Variants in CTNND2 observed in about 807,000 individuals in gnomAD.
CTNND2 encodes catenin delta 2, also known as catenin delta-2.
In CTNND2, 22 loss-of-function variants were observed where a neutral mutation model predicts 144.4. The ratio of observed to expected loss-of-function variants is 0.15; its 90% CI spans 0.11 to 0.22. The LOEUF (loss-of-function observed/expected upper bound fraction) is 0.22. CTNND2 is among the 10% of genes least tolerant of loss of function. CTNND2 has a pLI of 1.00. For missense variants in CTNND2, 1,353 were observed against 1,618.8 expected, an observed-to-expected ratio of 0.84 and a Z score of 2.82; for synonymous variants, 751 against 695.6, an observed-to-expected ratio of 1.08 and a Z score of -1.25.
At chr5:11,689,760 C>A (rs1403428165) in intron 2 of CTNND2, among the ~76,000 whole-genome samples, 1 of 152,076 alleles carries the variant, frequency 6.6e-6, no homozygotes, top group Non-Finnish European at 1.5e-5. Flanking sequence ...AAAAAGGGAT[C>A]AATTACATTG....
chr5:11,339,489 T>C (rs1386583981), intron 9 of CTNND2, among the ~76,000 whole-genome samples: 1 of 152,214 alleles, frequency 6.6e-6, no homozygotes, highest in Non-Finnish European at 1.5e-5. Context: ...TGCTGACACC[T>C]TGATTTCAGA....
intron 2 of CTNND2, among the ~76,000 whole-genome samples, chr5:11,631,513 T>C (rs1330415380): frequency 1.3e-5 from 2 of 151,884 alleles, no homozygotes; most frequent in African/African-American, 4.9e-5. Flanking sequence ...TGCTAATCAA[T>C]GTGAGAGAAG....
chr5:10,997,636 G>A (rs1296402881), intron 18 of CTNND2, among the ~76,000 whole-genome samples: 1 of 151,854 alleles, frequency 6.6e-6, no homozygotes, highest in Non-Finnish European at 1.5e-5. Flanking sequence ...TGAAGGAAAT[G>A]CTTTGTAGAG....
chr5:11,451,554 C>T (rs760744293), intron 3 of CTNND2, among the ~76,000 whole-genome samples: 38 of 152,184 alleles, frequency 2.5e-4, no homozygotes, highest in Non-Finnish European at 4.0e-4. Flanking sequence ...ATTTGCAATG[C>T]TCCACTGGTA....
At chr5:11,670,027 C>A (rs537295366) in intron 2 of CTNND2, among the ~76,000 whole-genome samples, 31 of 152,206 alleles carry the variant, frequency 2.0e-4, no homozygotes, top group African/African-American at 7.0e-4. Context: ...TAGTCAGGAG[C>A]AGGTTGTTCA....
intron 1 of CTNND2, among the ~76,000 whole-genome samples, chr5:11,840,628 C>T (rs1794417105): frequency 6.6e-6 from 1 of 152,170 alleles, no homozygotes; most frequent in African/African-American, 2.4e-5. Flanking sequence ...ACTCGTATCA[C>T]TTCATGCTAT....
chr5:11,034,249 A>G (rs1010676773), intron 16 of CTNND2, among the ~76,000 whole-genome samples: 1 of 152,224 alleles, frequency 6.6e-6, no homozygotes, highest in African/African-American at 2.4e-5. Flanking sequence ...CGAATTTTTA[A>G]GATTTCCAAT....
At chr5:11,662,251 G>GTGTATATATGTATATATATACATATATA (rs546479720) in intron 2 of CTNND2, among the ~76,000 whole-genome samples, 4 of 133,766 alleles carry the variant, frequency 3.0e-5, no homozygotes, top group African/African-American at 1.2e-4. Context: ...ATACATATAT[G>GTGTATATATGTATATATATACATATATA]TGTGTATATA....
At chr5:11,295,012 T>C (rs1274109456) in intron 9 of CTNND2, among the ~76,000 whole-genome samples, 1 of 152,068 alleles carries the variant, frequency 6.6e-6, no homozygotes. Context: ...AAATAAAGGG[T>C]ATTCAAGTAG....
chr5:11,098,749 C>A lies in CTNND2; in HGVS notation c.2464-1G>T, dbSNP rs1365326984. 6.2e-7 allele frequency: 1 copy of A among 1,610,448 alleles called. No homozygotes were observed. Among genetic ancestry groups the A allele is most frequent in the Non-Finnish European group, 8.5e-7 (1 of 1,178,836 alleles). On this transcript the variant is annotated splice_acceptor_variant, in intron 14 of 21. Transcript: ENST00000304623. LOFTEE classifies it high-confidence loss of function. ...CTGGAAGAGGTCCTACTCCATCCCA[C>A]TGGCGGAAGAAAAACAAGAGAGCAA... is the stretch of plus-strand genomic sequence containing the variant.
intron 13 of CTNND2, among the ~76,000 whole-genome samples, chr5:11,114,678 G>A (rs966070781): frequency 1.3e-5 from 2 of 152,166 alleles, no homozygotes; most frequent in African/African-American, 4.8e-5. Flanking sequence ...TCTGGAAGTT[G>A]TAGAGTGCTC....
chr5:11,582,527 A>G (rs1332581783), intron 2 of CTNND2, among the ~76,000 whole-genome samples: 1 of 152,232 alleles, frequency 6.6e-6, no homozygotes, highest in African/African-American at 2.4e-5. Flanking sequence ...CATCAAGCAC[A>G]GTGAAGTAAC....
chr5:11,100,324 C>G (rs1751759660), intron 14 of CTNND2, among the ~76,000 whole-genome samples: 1 of 152,192 alleles, frequency 6.6e-6, no homozygotes, highest in African/African-American at 2.4e-5. Flanking sequence ...CAAGGACACT[C>G]AGTGTGGGAA....
At position 11,592,695 on chromosome 5, in the gene CTNND2, T is replaced by TA. The variant is rs1166929530; in HGVS notation, c.175-27640dup. Reference sequence around the variant, plus strand: ...TCAAAACAACAACCAAACATCTACCTAAAAATTATAATCAAAACCTCAGCA... The same window carrying TA: ...TCAAAACAACAACCAAACATCTACCTAAAAAATTATAATCAAAACCTCAGCA... On this transcript the variant is annotated intron_variant, in intron 2 of 21. Coordinates refer to ENST00000304623, the MANE Select transcript of CTNND2 (RefSeq NM_001332.4). 2.6e-5 allele frequency among the ~76,000 whole-genome samples: 4 copies of TA among 151,730 alleles called. No homozygotes were observed. The East Asian group carries it at 7.8e-4, about 30-fold the overall frequency.
At chr5:11,206,966 T>C (rs371442040) in intron 10 of CTNND2, among the ~76,000 whole-genome samples, 95 of 152,318 alleles carry the variant, frequency 6.2e-4, no homozygotes, top group African/African-American at 1.9e-3. Flanking sequence ...TTCAAGCAGA[T>C]ATATGCTCTA....
chr5:11,474,987 A>T (rs1334965808), intron 3 of CTNND2, among the ~76,000 whole-genome samples: 1 of 152,188 alleles, frequency 6.6e-6, no homozygotes, highest in Non-Finnish European at 1.5e-5. Context: ...GCTGAGGTGT[A>T]ATCAGCAGAA....
intron 11 of CTNND2, among the ~76,000 whole-genome samples, chr5:11,165,362 A>T (rs961326469): frequency 5.9e-5 from 9 of 152,196 alleles, no homozygotes; most frequent in Admixed American, 4.6e-4. Context: ...CTAAAATTTC[A>T]ATCTGAGGAA....
At chr5:11,284,335 T>C (rs997212351) in intron 9 of CTNND2, among the ~76,000 whole-genome samples, 3 of 152,154 alleles carry the variant, frequency 2.0e-5, no homozygotes, top group South Asian at 2.1e-4. Context: ...ATGTGTGCCA[T>C]GGTGGTTTGC....
At chr5:11,614,271 G>T (rs1220486603) in intron 2 of CTNND2, among the ~76,000 whole-genome samples, 1 of 152,144 alleles carries the variant, frequency 6.6e-6, no homozygotes, top group African/African-American at 2.4e-5. Flanking sequence ...AATTTACAAA[G>T]TTACATAATG....
Sources: gnomAD v4.1 joint callset for allele counts (sites outside exome capture counted in the v4.1 genomes callset) on GRCh38, gnomAD v4.1.1 for gene constraint, MANE v1.5 for transcripts, NCBI Gene and HGNC (gene_info 2026-07-23, HGNC 2026-07-21) for gene names.